The following FANK1 variants were observed in gnomAD, a reference collection of about 807,000 sequenced individuals.
The protein encoded by FANK1 is fibronectin type 3 and ankyrin repeat domains protein 1.
Under a neutral mutation model 45.3 loss-of-function variants are expected in FANK1, and 44 were observed. The observed-to-expected ratio is 0.97, with a 90% confidence interval of 0.76 to 1.25. FANK1 has a LOEUF of 1.25. Among genes scored for constraint, FANK1 ranks in the 50% most tolerant of loss-of-function variants. The pLI, the probability that FANK1 is intolerant of heterozygous loss-of-function variation, is 0.00. For missense variants in FANK1, 391 were observed against 424.4 expected, an observed-to-expected ratio of 0.92 and a Z score of 0.69; for synonymous variants, 149 against 152.5, an observed-to-expected ratio of 0.98 and a Z score of 0.17.
At chr10:125,951,070 A>C (rs1949184110) in intron 1 of FANK1, among the ~76,000 whole-genome samples, 1 of 121,764 alleles carries the variant, frequency 8.2e-6, no homozygotes, top group African/African-American at 3.1e-5. Context: ...AGGAAGGGGA[A>C]TATCACACTC....
intron 1 of FANK1, among the ~76,000 whole-genome samples, chr10:125,955,344 A>C (rs1208943516): frequency 6.6e-6 from 1 of 152,018 alleles, no homozygotes; most frequent in African/African-American, 2.4e-5. Context: ...ATAAGTAAGA[A>C]CATGTAGTGT....
intron 1 of FANK1, among the ~76,000 whole-genome samples, chr10:125,911,784 G>A (rs1589813423): frequency 6.6e-6 from 1 of 152,160 alleles, no homozygotes; most frequent in East Asian, 1.9e-4. Flanking sequence ...TTCCTCATCT[G>A]CACAACATGG....
intron 1 of FANK1, among the ~76,000 whole-genome samples, chr10:125,932,524 G>A (rs1054570825): frequency 2.0e-5 from 3 of 152,126 alleles, no homozygotes; most frequent in African/African-American, 7.2e-5. Flanking sequence ...GTGTATAGAA[G>A]AGCTACTGAT....
At chr10:125,899,699 C>T (rs1589749715) in intron 1 of FANK1, among the ~76,000 whole-genome samples, 2 of 152,322 alleles carry the variant, frequency 1.3e-5, no homozygotes, top group South Asian at 4.1e-4. Flanking sequence ...GGAAGCACTA[C>T]AGACGTGGCA....
At chr10:125,961,473 A>T (rs1039654243) in intron 1 of FANK1, among the ~76,000 whole-genome samples, 1 of 152,202 alleles carries the variant, frequency 6.6e-6, no homozygotes, top group African/African-American at 2.4e-5. Context: ...CTCTTCAATA[A>T]GTGATGCTGG....
chr10:125,913,479 A>G (rs1314849699), intron 1 of FANK1, among the ~76,000 whole-genome samples: 1 of 152,168 alleles, frequency 6.6e-6, no homozygotes, highest in African/African-American at 2.4e-5. Context: ...CCCGTTGGTA[A>G]CTTGATTACA....
chr10:125,997,071 T>C (rs1004828419), intron 5 of FANK1, among the ~76,000 whole-genome samples: 1 of 152,188 alleles, frequency 6.6e-6, no homozygotes, highest in Non-Finnish European at 1.5e-5. Context: ...TAAATGCCAT[T>C]TGAAAAAAAC....
At chr10:125,951,178 G>T (rs910823805) in intron 1 of FANK1, among the ~76,000 whole-genome samples, 3 of 150,274 alleles carry the variant, frequency 2.0e-5, no homozygotes, top group African/African-American at 7.3e-5. Flanking sequence ...CACCAGCATG[G>T]CACATGTATA....
At chr10:126,000,214 G>A (rs1952655288) in intron 6 of FANK1, among the ~76,000 whole-genome samples, 2 of 152,130 alleles carry the variant, frequency 1.3e-5, no homozygotes, top group Non-Finnish European at 2.9e-5. Flanking sequence ...GAGGTTCAAT[G>A]GACCCTCAAC....
At position 125,988,542 on chromosome 10, in the gene FANK1, C is replaced by T. The variant is rs1951716251; in HGVS notation, c.192-9C>T. On this transcript the variant is annotated splice_polypyrimidine_tract_variant and intron_variant, in intron 2 of 10. Coordinates refer to ENST00000368693, the MANE Select transcript of FANK1 (RefSeq NM_145235.5). The stretch of plus-strand genomic sequence containing the variant: ...GGTGTTATCAGCATGTTTGTCTCCT[C>T]CTGTCTAGGGGATATGCAACGAAGC... 2 of 1,612,816 alleles carry T rather than the reference C, an allele frequency of 1.2e-6. No homozygotes were observed. Among genetic ancestry groups the T allele is most frequent in the Non-Finnish European group, 1.7e-6 (2 of 1,179,138 alleles).
At position 126,009,263 on chromosome 10, in the gene FANK1, A is replaced by T. The variant is rs1185296418; in HGVS notation, c.969A>T (p.Arg323Ser). The change falls in exon 10 of 11, where the codon AGA (arginine) becomes AGT (serine). Residue 323 changes from arginine (R) to serine (S), a missense_variant. By Grantham distance (110) the Arg-to-Ser change is moderately radical. Transcript: ENST00000368693. The stretch of plus-strand genomic sequence containing the variant: ...TAGAAATGGCCAGAGTTTTTGACAG[A>T]CAGGTTGGGATGCTCTTTCTGCCTA... ...GVLEMARVFD[R>S]QSVVSLLEER... is the part of the protein sequence containing the mutation. The T allele has an allele frequency of 6.2e-7, 1 of 1,614,180 alleles. No homozygotes were observed. Among genetic ancestry groups the T allele is most frequent in the South Asian group, 1.1e-5 (1 of 91,082 alleles).
At chr10:125,944,608 G>T (rs1393049647) in intron 1 of FANK1, among the ~76,000 whole-genome samples, 1 of 152,212 alleles carries the variant, frequency 6.6e-6, no homozygotes, top group Non-Finnish European at 1.5e-5. Flanking sequence ...CTGGAAGGTT[G>T]TGGGTTTACA....
chr10:125,945,149 G>A (rs1204106914), intron 1 of FANK1, among the ~76,000 whole-genome samples: 2 of 152,174 alleles, frequency 1.3e-5, no homozygotes, highest in African/African-American at 2.4e-5. Flanking sequence ...ATGATTAAGA[G>A]CTCAATACAT....
At chr10:125,996,737 T>C (rs1952361463) in intron 5 of FANK1, 113 bp downstream of exon 5, 1 of 961,860 alleles carries the variant, frequency 1.0e-6, no homozygotes, top group African/African-American at 1.7e-5. Flanking sequence ...GAACCGTTTC[T>C]TTTCTATCTC....
chr10:125,921,258 G>T (rs1336710499), intron 1 of FANK1, among the ~76,000 whole-genome samples: 2 of 151,790 alleles, frequency 1.3e-5, no homozygotes, highest in Admixed American at 1.3e-4. Flanking sequence ...ACTGATCTGT[G>T]TTCCTCTAGC....
chr10:125,927,620 G>C (rs1032273079), intron 1 of FANK1, among the ~76,000 whole-genome samples: 1 of 151,864 alleles, frequency 6.6e-6, no homozygotes, highest in African/African-American at 2.4e-5. Flanking sequence ...CGCAATCTCA[G>C]CTCACTGCAA....
intron 1 of FANK1, chr10:125,972,277 A>G (rs1950566212): frequency 6.6e-6 from 1 of 152,092 alleles, no homozygotes; most frequent in Non-Finnish European, 1.5e-5. Flanking sequence ...GGCTCTTACC[A>G]AGGCTCGGTG....
intron 2 of FANK1, chr10:125,980,636 T>C (rs751003269): frequency 6.3e-6 from 2 of 315,422 alleles, no homozygotes; most frequent in Non-Finnish European, 1.2e-5. Context: ...TTAGGTGAGC[T>C]TCCCATCAGG....
At chr10:125,928,040 G>C (rs201561935) in intron 1 of FANK1, among the ~76,000 whole-genome samples, 1 of 152,098 alleles carries the variant, frequency 6.6e-6, no homozygotes, top group South Asian at 2.1e-4. Flanking sequence ...TTCTGTTGTA[G>C]GAAAGGAGTC....
Sources: gnomAD v4.1 joint callset for allele counts (sites outside exome capture counted in the v4.1 genomes callset) on GRCh38, gnomAD v4.1.1 for gene constraint, MANE v1.5 for transcripts, NCBI Gene and HGNC (gene_info 2026-07-23, HGNC 2026-07-21) for gene names.